Variants in SPRED1 observed in about 807,000 individuals in gnomAD.
SPRED1 encodes the protein sprouty-related, EVH1 domain-containing protein 1.
Under a neutral mutation model 52.3 loss-of-function variants are expected in SPRED1, and 18 were observed. The observed-to-expected ratio is 0.34, with a 90% CI of 0.24 to 0.51. The LOEUF is 0.51. SPRED1 is among the 20% of genes least tolerant of loss of function. The pLI is 0.97. For synonymous variants in SPRED1, 155 were observed against 179.7 expected (o/e 0.86, Z 1.10); for missense variants, 485 against 551.0 (o/e 0.88, Z 1.20).
intron 1 of SPRED1, among the ~76,000 whole-genome samples, chr15:38,284,072 T>C (rs1484275619): frequency 6.6e-6 from 1 of 152,194 alleles, no homozygotes; most frequent in Non-Finnish European, 1.5e-5. Context: ...TGTAAATTTT[T>C]CCAGATTATC....
chr15:38,269,592 AT>A (rs930812363), intron 1 of SPRED1, among the ~76,000 whole-genome samples: 4 of 151,958 alleles, frequency 2.6e-5, no homozygotes. Flanking sequence ...TTTTTTCCAA[AT>A]GTTTGTTACT....
chr15:38,326,793 G>A (rs1307373943), intron 4 of SPRED1, among the ~76,000 whole-genome samples: 1 of 152,120 alleles, frequency 6.6e-6, no homozygotes, highest in African/African-American at 2.4e-5. Flanking sequence ...AAAACACTAT[G>A]CAGATGCAAA....
rs1479997969 is a variant in SPRED1 at position 38,351,027 on chromosome 15, C to T, written c.698C>T (p.Ser233Leu). The part of the protein sequence containing the change: ...LKSQNRVPLK[S>L]IRHVSFQDED... ...TTTCTTTTTTAGGTCCCTTTGAAAT[C>T]AATCAGACATGTCAGCTTTCAAGAT... Residue 233 changes from serine (S) to leucine (L), a missense_variant, in exon 7 of 7, where the codon TCA (serine) becomes TTA (leucine). Ser to Leu is a moderately radical substitution (Grantham distance 145, BLOSUM62 -2). Transcript: ENST00000299084. 2 of 1,613,252 alleles carry T rather than the reference C, an allele frequency of 1.2e-6. No homozygotes were observed. The highest frequency in any genetic ancestry group is 2.2e-5 in the East Asian group (1 of 44,842).
chr15:38,341,983 C>T (rs1896039250), intron 5 of SPRED1, among the ~76,000 whole-genome samples: 1 of 147,928 alleles, frequency 6.8e-6, no homozygotes, highest in Non-Finnish European at 1.5e-5. Context: ...TTTTTCCTTC[C>T]AACATTTCAG....
chr15:38,350,984 C>T (rs1888470264), intron 6 of SPRED1, 30 bp from the exon 7 acceptor site: 4 of 1,601,416 alleles, frequency 2.5e-6, no homozygotes, highest in Non-Finnish European at 3.4e-6. Context: ...TCATAGCCCT[C>T]ATTGCAGTTT....
chr15:38,270,159 G>A (rs966512956), intron 1 of SPRED1, among the ~76,000 whole-genome samples: 4 of 151,822 alleles, frequency 2.6e-5, no homozygotes, highest in African/African-American at 9.7e-5. Context: ...TGCCTGCCTC[G>A]GCCTCCCAAA....
intron 2 of SPRED1, among the ~76,000 whole-genome samples, chr15:38,321,789 T>G (rs1269773585): frequency 6.6e-6 from 1 of 152,114 alleles, no homozygotes; most frequent in African/African-American, 2.4e-5. Context: ...GAGATGGGGT[T>G]TCACCATGTT....
At chr15:38,301,095 T>C (rs955527200) in intron 2 of SPRED1, among the ~76,000 whole-genome samples, 5 of 152,016 alleles carry the variant, frequency 3.3e-5, no homozygotes, top group Non-Finnish European at 7.4e-5. Flanking sequence ...AGATGTGAAA[T>C]AGAAAAAACT....
chr15:38,266,643 A>AAAACAAAAAAAC (rs767780864), intron 1 of SPRED1, among the ~76,000 whole-genome samples: 83 of 151,888 alleles, frequency 5.5e-4, no homozygotes, highest in East Asian at 5.4e-3. Context: ...TCTGTCTCAA[A>AAAACAAAAAAAC]AAACAAACAA....
chr15:38,334,168 T>C (rs762702338), intron 4 of SPRED1, among the ~76,000 whole-genome samples: 1 of 152,000 alleles, frequency 6.6e-6, no homozygotes, highest in Non-Finnish European at 1.5e-5. Context: ...GCAAAAAATT[T>C]CAGAATGTCC....
intron 5 of SPRED1, among the ~76,000 whole-genome samples, chr15:38,344,259 A>G (rs1457663793): frequency 1.3e-5 from 2 of 152,212 alleles, no homozygotes; most frequent in East Asian, 3.8e-4. Flanking sequence ...TGATTCATAC[A>G]GTTGAGCAGG....
chr15:38,284,324 G>A (rs1162989522), intron 1 of SPRED1, among the ~76,000 whole-genome samples: 1 of 152,076 alleles, frequency 6.6e-6, no homozygotes, highest in Non-Finnish European at 1.5e-5. Context: ...ATACGCTCAT[G>A]AGTGCATGTC....
chr15:38,336,406 GTA>G (rs1491245682), intron 4 of SPRED1, among the ~76,000 whole-genome samples: 9 of 58,648 alleles, frequency 1.5e-4, no homozygotes, highest in African/African-American at 3.4e-4. Context: ...GTGTGTGTGT[GTA>G]TGTGTATGTG....
intron 1 of SPRED1, among the ~76,000 whole-genome samples, chr15:38,261,174 A>G (rs1019236479): frequency 6.6e-6 from 1 of 152,264 alleles, no homozygotes; most frequent in African/African-American, 2.4e-5. Context: ...TCTGCCCATA[A>G]TAAAGTAAAT....
chr15:38,339,684 G>T lies in SPRED1; in HGVS notation c.424-53G>T. ...TAGAGTGAAAGTATCTTATTTTGTG[G>T]TGGTGGTGGTTTTTATTCTGGCAAC... On this transcript the variant is annotated intron_variant, in intron 4 of 6. Transcript: ENST00000299084. The T allele has an allele frequency of 2.6e-6, 4 of 1,559,344 alleles. No individual in the cohort carries two copies. In the South Asian group the frequency reaches 3.3e-5, roughly 13 times the overall value.
intron 1 of SPRED1, among the ~76,000 whole-genome samples, chr15:38,265,732 G>A (rs1009191683): frequency 3.3e-5 from 5 of 151,450 alleles, no homozygotes; most frequent in Admixed American, 6.6e-5. Flanking sequence ...AAGTAGATTC[G>A]GTGTCTTGCC....
intron 1 of SPRED1, among the ~76,000 whole-genome samples, chr15:38,259,089 A>G (rs1158147227): frequency 3.3e-5 from 5 of 152,214 alleles, no homozygotes; most frequent in African/African-American, 1.2e-4. Flanking sequence ...ACTTAAGAGT[A>G]GAAGTGGTAG....
intron 1 of SPRED1, among the ~76,000 whole-genome samples, chr15:38,265,327 G>A (rs1894286812): frequency 6.6e-6 from 1 of 152,030 alleles, no homozygotes; most frequent in Non-Finnish European, 1.5e-5. Context: ...ATATTAAACA[G>A]AACTTTTAGT....
At chr15:38,263,242 G>C (rs1370236924) in intron 1 of SPRED1, among the ~76,000 whole-genome samples, 4 of 152,136 alleles carry the variant, frequency 2.6e-5, no homozygotes, top group Admixed American at 2.6e-4. Flanking sequence ...AGATGAACCC[G>C]GTTTTTTAAA....
Sources: allele counts gnomAD v4.1 joint callset (sites outside exome capture counted in the v4.1 genomes callset), GRCh38; gene constraint gnomAD v4.1.1; transcripts MANE v1.5; gene names NCBI Gene and HGNC (gene_info 2026-07-23, HGNC 2026-07-21).